Variants in BRAF observed in about 807,000 individuals in gnomAD.
BRAF encodes the protein serine/threonine-protein kinase B-raf.
A neutral mutation model predicts 104.6 loss-of-function variants in BRAF; 16 were observed. The ratio of observed to expected loss-of-function variants is 0.15; its 90% CI spans 0.10 to 0.23. The LOEUF (loss-of-function observed/expected upper bound fraction) is 0.23, where lower values mean the gene tolerates loss of function less well. Ranked by LOEUF, BRAF falls within the 10% of genes least tolerant of loss-of-function variation. BRAF has a pLI of 1.00. For missense variants in BRAF, 541 were observed against 937.3 expected, an observed-to-expected ratio of 0.58 and a Z score of 5.52; for synonymous variants, 310 against 341.6, an observed-to-expected ratio of 0.91 and a Z score of 1.02.
At chr7:140,831,111 G>A (rs1035711089) in intron 3 of BRAF, among the ~76,000 whole-genome samples, 3 of 152,150 alleles carry the variant, frequency 2.0e-5, no homozygotes, top group Non-Finnish European at 4.4e-5. Context: ...GATAGTGTCA[G>A]AATTGAGTTA....
downstream of BRAF, among the ~76,000 whole-genome samples, chr7:140,714,592 C>T (rs1215447275): frequency 6.6e-6 from 1 of 152,146 alleles, no homozygotes; most frequent in Non-Finnish European, 1.5e-5. Context: ...AAGTCGAGGC[C>T]TCAAGTGATC....
At chr7:140,775,523 G>A (rs1049960559) in intron 14 of BRAF, among the ~76,000 whole-genome samples, 2 of 151,922 alleles carry the variant, frequency 1.3e-5, no homozygotes, top group Non-Finnish European at 2.9e-5. Flanking sequence ...ATTTTTAGTA[G>A]AGACGGGGTT....
intron 1 of BRAF, among the ~76,000 whole-genome samples, chr7:140,880,266 G>A (rs1217027419): frequency 6.6e-6 from 1 of 152,144 alleles, no homozygotes; most frequent in Admixed American, 6.5e-5. Flanking sequence ...TTCAGCAGGA[G>A]TAAACCCCAT....
intron 11 of BRAF, among the ~76,000 whole-genome samples, chr7:140,782,560 C>T (rs756028012): frequency 2.0e-5 from 3 of 151,236 alleles, no homozygotes; most frequent in Non-Finnish European, 4.4e-5. Context: ...AAACAGTATT[C>T]GTTTTTTATT....
intron 12 of BRAF, chr7:140,781,273 A>C (rs1800845816): frequency 5.2e-6 from 2 of 383,290 alleles, no homozygotes; most frequent in South Asian, 5.1e-5. Context: ...CTTATAATAC[A>C]AATAAAATTA....
rs1290774549 is a variant in BRAF, at chr7:140,740,426, CACTTGGTTAT to C, written c.2113-490_2113-481del. On this transcript the variant is annotated intron_variant, in intron 17 of 19. Coordinates refer to ENST00000644969, the MANE Select transcript of BRAF (RefSeq NM_001374258.1). ...TTTTATTGTGGAAACGCTAATGGGC[CACTTGGTTAT>C]ACAAACCAGAGCCTCCGCCAGAGGA... 1.9e-5 allele frequency: 3 copies of C among 154,124 alleles called. No individual in the cohort carries two copies. The South Asian group carries it at 6.1e-4, about 31-fold the overall frequency. The allele number at this position is 154,124 out of a possible 1,614,324, so 9.5% of individuals were successfully genotyped here. A position where few individuals can be genotyped will look rare whatever the true frequency, so the allele number is the denominator to read the frequency against.
intron 2 of BRAF, among the ~76,000 whole-genome samples, chr7:140,840,228 TA>T: frequency 6.6e-6 from 1 of 152,256 alleles, no homozygotes; most frequent in South Asian, 2.1e-4. Flanking sequence ...ACTAATACTA[TA>T]AAACTCTTAG....
chr7:140,770,736 G>C (rs1799760460), intron 14 of BRAF, among the ~76,000 whole-genome samples: 1 of 152,022 alleles, frequency 6.6e-6, no homozygotes, highest in Non-Finnish European at 1.5e-5. Context: ...AGGAGTTCAA[G>C]ACCAGCCTGG....
chr7:140,865,168 G>A (rs147393379), intron 1 of BRAF, among the ~76,000 whole-genome samples: 173 of 151,586 alleles, frequency 1.1e-3, no homozygotes, highest in Non-Finnish European at 2.0e-3. Context: ...CAGACTCCGC[G>A]TCCTGGGCTC....
At position 140,838,780 on chromosome 7, in the gene BRAF, T is replaced by C. The variant is rs548058413; in HGVS notation, c.241-3908A>G. 1.3e-4 allele frequency among the ~76,000 whole-genome samples: 20 copies of C among 152,210 alleles called. No individual in the cohort carries two copies. In the South Asian group the frequency reaches 1.5e-3, roughly 11 times the overall value. Reference sequence around the variant, plus strand: ...ATAAGAACACACATATAGAACAGAATAGAACAAGGTACAACTAGTAAATCC... The same window carrying C: ...ATAAGAACACACATATAGAACAGAACAGAACAAGGTACAACTAGTAAATCC... On this transcript the variant is annotated intron_variant, in intron 2 of 19. Coordinates refer to ENST00000644969, the MANE Select transcript of BRAF (RefSeq NM_001374258.1).
At chr7:140,879,037 G>C (rs1029016662) in intron 1 of BRAF, among the ~76,000 whole-genome samples, 1 of 151,930 alleles carries the variant, frequency 6.6e-6, no homozygotes, top group Non-Finnish European at 1.5e-5. Context: ...ACCATGCCCA[G>C]CTAATTTTTT....
intron 14 of BRAF, among the ~76,000 whole-genome samples, chr7:140,757,082 C>T (rs1798261249): frequency 6.6e-6 from 1 of 152,106 alleles, no homozygotes; most frequent in Admixed American, 6.6e-5. Flanking sequence ...GTTATGGCAG[C>T]CAAAGTCATG....
chr7:140,857,163 G>C (rs1170666998), intron 1 of BRAF, among the ~76,000 whole-genome samples: 1 of 152,140 alleles, frequency 6.6e-6, no homozygotes, highest in Admixed American at 6.5e-5. Flanking sequence ...ACTTATAAGA[G>C]GGAAATAAAA....
intron 19 of BRAF, among the ~76,000 whole-genome samples, chr7:140,727,777 C>T (rs533514262): frequency 5.0e-4 from 76 of 152,180 alleles, no homozygotes; most frequent in Middle Eastern, 6.8e-3. Context: ...CATGAAGCCA[C>T]GCCCGGCTAA....
chr7:140,855,425 T>C (rs1011990722), intron 1 of BRAF, among the ~76,000 whole-genome samples: 7 of 151,940 alleles, frequency 4.6e-5, no homozygotes, highest in African/African-American at 1.7e-4. Flanking sequence ...TTAGTGACTT[T>C]ACAAATGGCA....
intron 14 of BRAF, among the ~76,000 whole-genome samples, chr7:140,767,392 G>A (rs1375382973): frequency 6.6e-6 from 1 of 152,122 alleles, no homozygotes; most frequent in East Asian, 1.9e-4. Context: ...AGATGTCTCT[G>A]GGTAGGGGTA....
At chr7:140,877,115 T>C (rs1295779245) in intron 1 of BRAF, among the ~76,000 whole-genome samples, 2 of 151,992 alleles carry the variant, frequency 1.3e-5, no homozygotes, top group African/African-American at 2.4e-5. Context: ...ATCCAGCAAT[T>C]GTAAAAGGCA....
Position 140,720,045 on chromosome 7 carries a change from G to T in BRAF, c.*6449C>A. 1 of 1,061,274 alleles carries T rather than the reference G, an allele frequency of 9.4e-7. No homozygotes were observed. The highest frequency in any genetic ancestry group is 1.1e-6 in the Non-Finnish European group (1 of 876,744). The allele number at this position is 1,061,274 out of a possible 1,614,324, so 65.7% of individuals were successfully genotyped here. ...AACCAAGGAATACATGAAAAGGGGG[G>T]ATTTCCTTTTTCTTGGTCTAAACCA... is the stretch of plus-strand genomic sequence containing the variant. On this transcript the variant is annotated 3_prime_UTR_variant, in exon 20 of 20. Transcript: ENST00000644969.
chr7:140,716,094 A>T (rs1192732283), downstream of BRAF, among the ~76,000 whole-genome samples: 1 of 152,222 alleles, frequency 6.6e-6, no homozygotes, highest in Non-Finnish European at 1.5e-5. Context: ...ACAAAACAGT[A>T]TTTACCATGA....
Sources: allele counts gnomAD v4.1 joint callset (sites outside exome capture counted in the v4.1 genomes callset), GRCh38; gene constraint gnomAD v4.1.1; transcripts MANE v1.5; gene names NCBI Gene and HGNC (gene_info 2026-07-23, HGNC 2026-07-21).